The following ESRRG variants were observed in gnomAD, a reference collection of about 807,000 sequenced individuals.
The protein encoded by ESRRG is estrogen related receptor gamma, also known as estrogen-related receptor gamma.
ESRRG carries 13 observed loss-of-function variants against 44.0 expected under a neutral mutation model. The ratio of observed to expected loss-of-function variants is 0.30; its 90% CI spans 0.19 to 0.47. ESRRG has a LOEUF of 0.47. ESRRG is among the 20% of genes least tolerant of loss of function. The pLI is 1.00. For synonymous variants in ESRRG, 215 were observed against 214.6 expected (o/e 1.00, Z -0.02); for missense variants, 395 against 580.6 (o/e 0.68, Z 3.29).
At chr1:216,647,156 A>G (rs976159697) in intron 3 of ESRRG, among the ~76,000 whole-genome samples, 13 of 152,144 alleles carry the variant, frequency 8.5e-5, no homozygotes, top group African/African-American at 3.1e-4. Flanking sequence ...GTGCACCTTG[A>G]TTAGTTCTTG....
intron 1 of ESRRG, among the ~76,000 whole-genome samples, chr1:217,069,301 C>T (rs12076408): frequency 0.029 from 4,428 of 152,186 alleles, 230 homozygotes; most frequent in African/African-American, 0.1. Flanking sequence ...ACTGGCTATC[C>T]TTGCTCCTCA....
chr1:217,136,463 G>A (rs903721096), intron 1 of ESRRG, among the ~76,000 whole-genome samples: 2 of 152,174 alleles, frequency 1.3e-5, no homozygotes, highest in African/African-American at 2.4e-5. Flanking sequence ...GGGCACCCGG[G>A]TCACGTCATC....
chr1:216,835,338 C>G (rs1441885274), intron 2 of ESRRG, among the ~76,000 whole-genome samples: 1 of 152,166 alleles, frequency 6.6e-6, no homozygotes, highest in Non-Finnish European at 1.5e-5. Context: ...AGGGGAGTGA[C>G]GTACGGAAAT....
At chr1:217,074,564 G>A (rs1004079587) in intron 1 of ESRRG, among the ~76,000 whole-genome samples, 1 of 151,924 alleles carries the variant, frequency 6.6e-6, no homozygotes, top group Non-Finnish European at 1.5e-5. Flanking sequence ...TAGGGTAGGT[G>A]CAGTGGCTCA....
chr1:216,735,970 T>G (rs2089792778), intron 2 of ESRRG, among the ~76,000 whole-genome samples: 1 of 70,696 alleles, frequency 1.4e-5, no homozygotes, highest in Non-Finnish European at 3.1e-5. Context: ...AGAGCAATAC[T>G]CCCCATCTCA....
chr1:216,650,967 C>T lies in ESRRG; in HGVS notation c.589+6G>A, dbSNP rs183091369. 7.6e-6 allele frequency: 12 copies of T among 1,577,336 alleles called. No individual in the cohort carries two copies. Among genetic ancestry groups the T allele is most frequent in the South Asian group, 4.4e-5 (4 of 90,370 alleles). On this transcript the variant is annotated splice_donor_region_variant and intron_variant, in intron 3 of 6. Transcript: ENST00000408911. ...AAACCTCAGGGGCACTAGCAAAGAG[C>T]CTTACCTTCTTTCAGCATGCCCACT...
chr1:216,978,826 C>CCAAG (rs1186077789), intron 1 of ESRRG, among the ~76,000 whole-genome samples: 3 of 152,140 alleles, frequency 2.0e-5, no homozygotes, highest in Admixed American at 2.0e-4. Flanking sequence ...AAGAAGGAGG[C>CCAAG]CAAGGTCTCT....
chr1:216,947,203 G>T (rs2066194003), intron 1 of ESRRG, among the ~76,000 whole-genome samples: 1 of 151,968 alleles, frequency 6.6e-6, no homozygotes, highest in Non-Finnish European at 1.5e-5. Context: ...TCCCAGAAGT[G>T]GCATCTGTCT....
intron 5 of ESRRG, among the ~76,000 whole-genome samples, chr1:216,541,590 GTGTGTGTGTGTGTGTGT>G (rs2052756074): frequency 6.7e-6 from 1 of 148,530 alleles, no homozygotes. Flanking sequence ...GTGTGTGTGT[GTGTGTGTGTGTGTGTGT>G]ATGTGATCAG....
At chr1:216,949,857 G>A (rs1200809975) in intron 1 of ESRRG, among the ~76,000 whole-genome samples, 1 of 150,936 alleles carries the variant, frequency 6.6e-6, no homozygotes, top group Non-Finnish European at 1.5e-5. Flanking sequence ...CTGTCACCCA[G>A]GCTGGAGTGC....
upstream of ESRRG, among the ~76,000 whole-genome samples, chr1:217,093,341 G>A (rs988107596): frequency 1.3e-5 from 2 of 152,054 alleles, no homozygotes; most frequent in Non-Finnish European, 2.9e-5. Context: ...AGGAGAAAAA[G>A]CAAGAACACT....
At chr1:216,843,039 C>A (rs1025172686) in intron 2 of ESRRG, among the ~76,000 whole-genome samples, 6 of 152,054 alleles carry the variant, frequency 3.9e-5, no homozygotes, top group Non-Finnish European at 7.4e-5. Flanking sequence ...CTAAAACTAC[C>A]TTTCTACCTT....
intron 2 of ESRRG, among the ~76,000 whole-genome samples, chr1:216,824,999 G>A (rs941338264): frequency 2.0e-5 from 3 of 152,180 alleles, no homozygotes; most frequent in Non-Finnish European, 4.4e-5. Flanking sequence ...GTAGTCTACA[G>A]AATGTGTCAC....
intron 1 of ESRRG, among the ~76,000 whole-genome samples, chr1:217,100,037 T>A (rs1222616999): frequency 6.6e-6 from 1 of 151,594 alleles, no homozygotes; most frequent in Non-Finnish European, 1.5e-5. Context: ...ATGAAAGTGG[T>A]ATTTATTAAA....
chr1:216,571,412 T>C (rs2060782558), intron 3 of ESRRG, among the ~76,000 whole-genome samples: 1 of 152,056 alleles, frequency 6.6e-6, no homozygotes, highest in South Asian at 2.1e-4. Flanking sequence ...CATTGCACTC[T>C]AGCCTGGGCA....
intron 1 of ESRRG, among the ~76,000 whole-genome samples, chr1:216,689,079 T>C (rs2078577876): frequency 6.6e-6 from 1 of 152,204 alleles, no homozygotes; most frequent in Non-Finnish European, 1.5e-5. Context: ...GCATTCGCAA[T>C]AATGAGTCTG....
At chr1:217,099,610 T>A (rs1490018196) in intron 1 of ESRRG, among the ~76,000 whole-genome samples, 1 of 152,164 alleles carries the variant, frequency 6.6e-6, no homozygotes, top group East Asian at 1.9e-4. Context: ...ATTCAGAAGA[T>A]CTCTGGTGCA....
intron 2 of ESRRG, among the ~76,000 whole-genome samples, chr1:216,879,501 A>G (rs1170767806): frequency 6.6e-6 from 1 of 151,554 alleles, no homozygotes; most frequent in African/African-American, 2.4e-5. Context: ...AAAAAAAAAA[A>G]AAAAGAAGAA....
intron 2 of ESRRG, among the ~76,000 whole-genome samples, chr1:216,737,924 C>T (rs927365875): frequency 6.6e-6 from 1 of 151,298 alleles, no homozygotes; most frequent in Non-Finnish European, 1.5e-5. Context: ...CTATCAGTGG[C>T]TTGTGTTAGA....
Sources: gnomAD v4.1 joint callset for allele counts (sites outside exome capture counted in the v4.1 genomes callset) on GRCh38, gnomAD v4.1.1 for gene constraint, MANE v1.5 for transcripts, NCBI Gene and HGNC (gene_info 2026-07-23, HGNC 2026-07-21) for gene names.